Variants in KRABD3 observed in about 807,000 individuals in gnomAD.
The protein encoded by KRABD3 is KRAB domain containing 3.
At chr7:149,721,352 G>A in the KRABD3 span, 10 of 1,562,700 alleles carry the variant, frequency 6.4e-6, no homozygotes, top group African/African-American at 1.4e-4. Context: ...CATCTTACCA[G>A]TTGTTGATTC....
the KRABD3 span, chr7:149,721,489 C>T: frequency 1.2e-6 from 2 of 1,612,980 alleles, no homozygotes; most frequent in East Asian, 4.5e-5. Context: ...GCTCGTGTTC[C>T]AGTGGCCCAA....
chr7:149,733,802 C>T, the KRABD3 span: 1 of 1,604,714 alleles, frequency 6.2e-7, no homozygotes, highest in Non-Finnish European at 8.5e-7. Context: ...TGCACACCCC[C>T]TCCTCGCACA....
At chr7:149,734,065 A>G in the KRABD3 span, 5 of 1,580,410 alleles carry the variant, frequency 3.2e-6, no homozygotes, top group South Asian at 1.2e-5. Flanking sequence ...CCTCTTCTCC[A>G]CATCTGCTCG....
At chr7:149,721,668 T>A in the KRABD3 span, 1 of 1,033,474 alleles carries the variant, frequency 9.7e-7, no homozygotes, top group Non-Finnish European at 1.5e-6. Flanking sequence ...GTTCTTTTGT[T>A]AACAAAGTAC....
chr7:149,728,037 A>C, the KRABD3 span, among the ~76,000 whole-genome samples: 1 of 152,226 alleles, frequency 6.6e-6, no homozygotes, highest in Non-Finnish European at 1.5e-5. Flanking sequence ...TGTTACTCGC[A>C]CAGCTGTCAC....
chr7:149,729,997 G>C, the KRABD3 span: 5 of 1,317,030 alleles, frequency 3.8e-6, no homozygotes, highest in Non-Finnish European at 4.8e-6. Flanking sequence ...TCTTTCTCTG[G>C]CAAGAGAGGC....
chr7:149,715,139 A>AC, the KRABD3 span: 716 of 1,229,170 alleles, frequency 5.8e-4, 1 homozygote, highest in Admixed American at 6.8e-4. Flanking sequence ...AAGAGCTGGG[A>AC]CCCCCCCGCA....
chr7:149,725,758 C>A, the KRABD3 span: 1 of 894,398 alleles, frequency 1.1e-6, no homozygotes, highest in Non-Finnish European at 1.6e-6. Flanking sequence ...GGAGTTGAAT[C>A]AGTGCCACAG....
the KRABD3 span, chr7:149,730,027 G>C: frequency 1.4e-6 from 2 of 1,383,606 alleles, no homozygotes; most frequent in Non-Finnish European, 1.9e-6. Context: ...GGGTCCACTA[G>C]AACGCATGCT....
At chr7:149,731,549 G>T in the KRABD3 span, 1 of 819,234 alleles carries the variant, frequency 1.2e-6, no homozygotes, top group Non-Finnish European at 2.0e-6. Context: ...CCAAGTTTCC[G>T]TCTTCTATCT....
At chr7:149,722,481 C>T in the KRABD3 span, 1 of 929,256 alleles carries the variant, frequency 1.1e-6, no homozygotes, top group Non-Finnish European at 1.6e-6. Flanking sequence ...GGGCGGGGAG[C>T]CCAGCCCTCC....
At chr7:149,720,960 A>G in the KRABD3 span, 2 of 1,613,742 alleles carry the variant, frequency 1.2e-6, no homozygotes, top group South Asian at 2.2e-5. Flanking sequence ...CCGGGGAGCC[A>G]GCCTGGATGG....
the KRABD3 span, chr7:149,720,194 G>A: frequency 6.6e-7 from 1 of 1,525,464 alleles, no homozygotes; most frequent in South Asian, 1.2e-5. Flanking sequence ...GGCAATGCGT[G>A]ACCTCAGCCT....
the KRABD3 span, chr7:149,725,943 C>T: frequency 6.2e-7 from 1 of 1,600,856 alleles, no homozygotes; most frequent in African/African-American, 1.3e-5. Flanking sequence ...GAGAGATGGC[C>T]CCAGCAGGCC....
chr7:149,721,771 G>A, the KRABD3 span: 23 of 675,084 alleles, frequency 3.4e-5, no homozygotes, highest in Non-Finnish European at 5.4e-5. Context: ...ATCCCGCCCC[G>A]ATCACTGAGC....
the KRABD3 span, chr7:149,728,506 ATGTT>A: frequency 6.2e-7 from 1 of 1,611,896 alleles, no homozygotes; most frequent in Non-Finnish European, 8.5e-7. Context: ...TCATCTGTGA[ATGTT>A]TGATCTTCAC....
the KRABD3 span, chr7:149,725,337 GCTGGAAGCC>G: frequency 6.3e-7 from 1 of 1,596,508 alleles, no homozygotes; most frequent in Non-Finnish European, 8.5e-7. Context: ...CAAGCTCACC[GCTGGAAGCC>G]CTGGAAGCCT....
the KRABD3 span, chr7:149,733,602 C>G: frequency 1.9e-6 from 3 of 1,596,916 alleles, no homozygotes; most frequent in Non-Finnish European, 2.6e-6. Flanking sequence ...CCCACGAGGC[C>G]TAAACCAAAG....
the KRABD3 span, among the ~76,000 whole-genome samples, chr7:149,726,974 T>C: frequency 6.6e-5 from 10 of 152,186 alleles, no homozygotes; most frequent in African/African-American, 1.9e-4. Flanking sequence ...AAGAATTGCC[T>C]GTAATATCAA....
Sources: gnomAD v4.1 joint callset for allele counts (sites outside exome capture counted in the v4.1 genomes callset) on GRCh38, gnomAD v4.1.1 for gene constraint, MANE v1.5 for transcripts, NCBI Gene and HGNC (gene_info 2026-07-23, HGNC 2026-07-21) for gene names.